DOCK4: variants seen among roughly 807,000 people sequenced by gnomAD.
DOCK4 encodes the protein dedicator of cytokinesis 4, also known as dedicator of cytokinesis protein 4.
DOCK4 carries 97 observed loss-of-function variants against 268.1 expected under a neutral mutation model. The observed-to-expected ratio is 0.36, with a 90% CI of 0.31 to 0.43. The LOEUF (loss-of-function observed/expected upper bound fraction) is 0.43. Among genes scored for constraint, DOCK4 ranks in the 20% least tolerant of loss-of-function variants. DOCK4 has a pLI of 1.00. For missense variants in DOCK4, 2,145 were observed against 2,455.7 expected (o/e 0.87, Z 2.67); for synonymous variants, 954 against 887.2 (o/e 1.08, Z -1.34).
chr7:111,921,912 C>A (rs2134586963), intron 12 of DOCK4, among the ~76,000 whole-genome samples: 1 of 152,246 alleles, frequency 6.6e-6, no homozygotes, highest in East Asian at 1.9e-4. Context: ...AATAGTTGTG[C>A]CCACTTACCA....
chr7:111,943,328 C>A (rs1020420733), intron 10 of DOCK4, among the ~76,000 whole-genome samples: 45 of 152,328 alleles, frequency 3.0e-4, no homozygotes, highest in African/African-American at 1.0e-3. Context: ...GGCAATAACA[C>A]TGTGAGTGAA....
intron 35 of DOCK4, among the ~76,000 whole-genome samples, chr7:111,780,758 T>G (rs1798740535): frequency 6.6e-6 from 1 of 152,182 alleles, no homozygotes; most frequent in Non-Finnish European, 1.5e-5. Flanking sequence ...TAAGAGGAAG[T>G]GAGTAAATGA....
At chr7:112,104,717 T>C (rs1810986654) in intron 1 of DOCK4, among the ~76,000 whole-genome samples, 2 of 152,268 alleles carry the variant, frequency 1.3e-5, no homozygotes, top group South Asian at 4.1e-4. Context: ...ATAGAAAGAA[T>C]ATAAAAAGCG....
intron 1 of DOCK4, among the ~76,000 whole-genome samples, chr7:112,005,960 C>T (rs1403467468): frequency 6.6e-6 from 1 of 152,162 alleles, no homozygotes; most frequent in Non-Finnish European, 1.5e-5. Context: ...TGTGGCCACA[C>T]TCATTTTGCC....
chr7:111,852,154 G>C (rs1804627581), intron 23 of DOCK4, among the ~76,000 whole-genome samples: 3 of 151,964 alleles, frequency 2.0e-5, no homozygotes. Context: ...AGTAGAGACG[G>C]GGTTTCACCA....
chr7:111,848,846 C>T (rs77998901), intron 23 of DOCK4, among the ~76,000 whole-genome samples: 2,096 of 152,276 alleles, frequency 0.014, 42 homozygotes, highest in African/African-American at 0.045. Context: ...ACAACCCTCC[C>T]CTTCCACCAC....
intron 30 of DOCK4, among the ~76,000 whole-genome samples, chr7:111,793,363 C>G (rs7795709): frequency 6.6e-6 from 1 of 152,150 alleles, no homozygotes; most frequent in Admixed American, 6.5e-5. Flanking sequence ...CAAGGCATTA[C>G]AGCAGTCAAA....
chr7:112,023,754 CT>C (rs762273948), intron 1 of DOCK4: 4 of 297,108 alleles, frequency 1.3e-5, no homozygotes, highest in Non-Finnish European at 2.7e-5. Context: ...ATTTCTGCAA[CT>C]TGAAAATCCA....
chr7:112,186,663 T>C (rs1200315274), intron 1 of DOCK4, among the ~76,000 whole-genome samples: 1 of 152,154 alleles, frequency 6.6e-6, no homozygotes, highest in African/African-American at 2.4e-5. Flanking sequence ...AAATTAACAT[T>C]AGTACTGAGG....
intron 37 of DOCK4, 131 bp downstream of exon 37, chr7:111,769,398 G>C (rs1232988277): frequency 2.6e-6 from 3 of 1,147,808 alleles, no homozygotes; most frequent in Non-Finnish European, 3.7e-6. Flanking sequence ...GCTTTTGGGT[G>C]TTTCTAATAT....
chr7:112,046,766 G>A lies in DOCK4; in HGVS notation c.38-42635C>T, dbSNP rs893507458. Among the ~76,000 whole-genome samples the A allele has an allele frequency of 4.6e-5, 7 of 152,290 alleles. No individual in the cohort carries two copies. The East Asian group carries it at 1.4e-3, about 29-fold the overall frequency. On this transcript the variant is annotated intron_variant, in intron 1 of 52. Coordinates refer to ENST00000428084, the MANE Select transcript of DOCK4 (RefSeq NM_001363540.2). ...TTGAGAGAGGGGCTACATATGATGT[G>A]AGCCCTATGATTGCCCCAGCTTACT...
At chr7:111,892,713 G>A (rs185116609) in intron 16 of DOCK4, among the ~76,000 whole-genome samples, 3 of 152,270 alleles carry the variant, frequency 2.0e-5, no homozygotes, top group East Asian at 1.9e-4. Flanking sequence ...TGATCAGCAG[G>A]CTGTGTGCTT....
chr7:111,826,329 T>C (rs182364224), intron 26 of DOCK4, among the ~76,000 whole-genome samples: 1 of 152,302 alleles, frequency 6.6e-6, no homozygotes, highest in East Asian at 1.9e-4. Flanking sequence ...CATAACTTTT[T>C]CCATAGTAAG....
chr7:111,900,296 C>T (rs1791026429), intron 15 of DOCK4, 78 bp downstream of exon 15: 1 of 1,483,596 alleles, frequency 6.7e-7, no homozygotes. Context: ...TAAGATCAAC[C>T]CACATCTTCA....
chr7:111,976,269 T>TTTTA (rs1554400806), intron 8 of DOCK4, among the ~76,000 whole-genome samples: 5 of 33,142 alleles, frequency 1.5e-4, no homozygotes, highest in African/African-American at 2.4e-4. Context: ...TGTGTGTCTA[T>TTTTA]TATATATATA....
In DOCK4 at chr7:111,728,521, G is replaced by T; in HGVS notation, c.5681C>A (p.Pro1894Gln). The T allele has an allele frequency of 6.2e-7, 1 of 1,613,404 alleles. No homozygotes were observed. The highest frequency in any genetic ancestry group is 8.5e-7 in the Non-Finnish European group (1 of 1,179,834). ...PLPVPVPVPV[P>Q]SYGGEEPVRK... ...CACTGGCTCCTCCCCGCCGTAGCTC[G>T]GCACGGGCACCGGCACTGGCACCGG... The change falls in exon 53 of 53, where the codon CCG becomes CAG. Residue 1894 changes from proline (P) to glutamine (Q), a missense_variant. Coordinates refer to ENST00000428084, the MANE Select transcript of DOCK4 (RefSeq NM_001363540.2).
At chr7:112,144,271 A>G (rs1282174560) in intron 1 of DOCK4, among the ~76,000 whole-genome samples, 1 of 152,152 alleles carries the variant, frequency 6.6e-6, no homozygotes, top group African/African-American at 2.4e-5. Flanking sequence ...CTCTCACAAT[A>G]TAAGTAGTCC....
chr7:111,854,671 C>T (rs748944646), intron 23 of DOCK4, among the ~76,000 whole-genome samples: 14 of 152,144 alleles, frequency 9.2e-5, no homozygotes, highest in South Asian at 2.1e-4. Flanking sequence ...CGTGAGCGAC[C>T]GCACCCAGCT....
chr7:112,066,692 T>C (rs1807052706), intron 1 of DOCK4, among the ~76,000 whole-genome samples: 1 of 7,816 alleles, frequency 1.3e-4, no homozygotes, highest in African/African-American at 2.9e-4. Context: ...TACATATACA[T>C]ATATATATAT....
Sources: gnomAD v4.1 joint callset for allele counts (sites outside exome capture counted in the v4.1 genomes callset) on GRCh38, gnomAD v4.1.1 for gene constraint, MANE v1.5 for transcripts, NCBI Gene and HGNC (gene_info 2026-07-23, HGNC 2026-07-21) for gene names.